The following GLRA2 variants were observed in gnomAD, a reference collection of about 807,000 sequenced individuals.
The protein encoded by GLRA2 is glycine receptor subunit alpha-2.
Under a neutral mutation model 31.6 loss-of-function variants are expected in GLRA2, and 11 were observed. The ratio of observed to expected loss-of-function variants is 0.35; its 90% confidence interval spans 0.22 to 0.58. The LOEUF is 0.58. Among genes scored for constraint, GLRA2 ranks in the 20% least tolerant of loss-of-function variants. The pLI is 0.84. For missense variants in GLRA2, 212 were observed against 351.8 expected, an observed-to-expected ratio of 0.60 and a Z score of 3.18; for synonymous variants, 132 against 134.0, an observed-to-expected ratio of 0.99 and a Z score of 0.10.
At chrX:14,539,850 A>C (rs1445018525) in intron 2 of GLRA2, among the ~76,000 whole-genome samples, 1 of 111,886 alleles carries the variant, frequency 8.9e-6, no homozygotes, top group East Asian at 2.8e-4. Context: ...ATGGTGGAAC[A>C]TATTTTCTTG....
At chrX:14,481,974 T>C in the GLRA2 span, among the ~76,000 whole-genome samples, 1 of 111,788 alleles carries the variant, frequency 8.9e-6, no homozygotes, top group Non-Finnish European at 1.9e-5. Context: ...TTGAATACAA[T>C]TAAAATGTTT....
intron 4 of GLRA2, among the ~76,000 whole-genome samples, chrX:14,584,387 C>T (rs765801927): frequency 2.7e-5 from 3 of 111,593 alleles, no homozygotes; most frequent in Non-Finnish European, 5.6e-5. Flanking sequence ...TGCCCCCTTT[C>T]GCTATATAAA....
At chrX:14,459,558 G>A in the GLRA2 span, among the ~76,000 whole-genome samples, 1 of 110,893 alleles carries the variant, frequency 9.0e-6, no homozygotes, top group Non-Finnish European at 1.9e-5. Context: ...TTGAGCAGTG[G>A]TTTGTAGTTC....
At chrX:14,636,331 G>A (rs1006455777) in intron 7 of GLRA2, among the ~76,000 whole-genome samples, 1 of 111,082 alleles carries the variant, frequency 9.0e-6, no homozygotes, top group African/African-American at 3.3e-5. Context: ...TGACAAATAC[G>A]ACCTTAGTCA....
intron 8 of GLRA2, among the ~76,000 whole-genome samples, chrX:14,707,523 T>C (rs2091641197): frequency 9.1e-6 from 1 of 109,793 alleles, no homozygotes; most frequent in Non-Finnish European, 1.9e-5. Context: ...TTCACCCTGG[T>C]AGTGAGCTTA....
At chrX:14,531,178 TGTGA>T (rs770357634) in intron 1 of GLRA2, 15 of 924,493 alleles carry the variant, frequency 1.6e-5, no homozygotes, top group Admixed American at 6.1e-5. Context: ...CATATGAGAA[TGTGA>T]GTATTTATGC....
At chrX:14,511,661 T>C in the GLRA2 span, among the ~76,000 whole-genome samples, 1 of 112,240 alleles carries the variant, frequency 8.9e-6, no homozygotes, top group African/African-American at 3.2e-5. Flanking sequence ...TTTCCTAAAT[T>C]AATGTGAAAG....
chrX:14,653,633 T>C (rs2090911542), intron 7 of GLRA2, among the ~76,000 whole-genome samples: 1 of 112,587 alleles, frequency 8.9e-6, no homozygotes, highest in African/African-American at 3.2e-5. Context: ...CTGTGAACAT[T>C]GTTGCAACAA....
intron 7 of GLRA2, among the ~76,000 whole-genome samples, chrX:14,632,041 T>C (rs2090655922): frequency 1.0e-5 from 1 of 96,414 alleles, no homozygotes; most frequent in South Asian, 5.4e-4. Flanking sequence ...ATCCATCTTT[T>C]CAATTCTGGG....
chrX:14,650,167 T>C (rs1460927248), intron 7 of GLRA2, among the ~76,000 whole-genome samples: 1 of 111,551 alleles, frequency 9.0e-6, no homozygotes, highest in Non-Finnish European at 1.9e-5. Context: ...TATTACAATA[T>C]ATAATAAATA....
chrX:14,459,193 C>T, the GLRA2 span, among the ~76,000 whole-genome samples: 6 of 111,229 alleles, frequency 5.4e-5, no homozygotes, highest in African/African-American at 2.0e-4. Flanking sequence ...AGATATGCAG[C>T]GCTATTTCTG....
chrX:14,706,003 C>T (rs1233493413), intron 8 of GLRA2, among the ~76,000 whole-genome samples: 1 of 85,422 alleles, frequency 1.2e-5, no homozygotes, highest in Admixed American at 1.2e-4. Flanking sequence ...CAGCATGGTT[C>T]TCAATCCTGG....
At chrX:14,686,846 G>T (rs1025246124) in intron 7 of GLRA2, among the ~76,000 whole-genome samples, 1 of 111,524 alleles carries the variant, frequency 9.0e-6, no homozygotes, top group African/African-American at 3.3e-5. Context: ...GTGTGAATTT[G>T]ATCCTGTCAT....
chrX:14,613,323 T>A (rs2090420432), intron 7 of GLRA2, among the ~76,000 whole-genome samples: 1 of 111,757 alleles, frequency 8.9e-6, no homozygotes. Context: ...TTTGGATGGC[T>A]CACTATTCAC....
chrX:14,662,887 T>C (rs1331121476), intron 7 of GLRA2, among the ~76,000 whole-genome samples: 1 of 107,455 alleles, frequency 9.3e-6, no homozygotes, highest in African/African-American at 3.8e-5. Flanking sequence ...TATTTTATTA[T>C]TTTTCTGTTG....
chrX:14,460,032 T>C, the GLRA2 span, among the ~76,000 whole-genome samples: 1 of 112,073 alleles, frequency 8.9e-6, no homozygotes, highest in African/African-American at 3.2e-5. Flanking sequence ...CTCTTATTAT[T>C]TTGAGATACA....
At chrX:14,705,445 C>T (rs764217599) in intron 8 of GLRA2, among the ~76,000 whole-genome samples, 1 of 111,911 alleles carries the variant, frequency 8.9e-6, no homozygotes, top group Admixed American at 9.4e-5. Flanking sequence ...AAACATCCTA[C>T]AGTGCACAGG....
At chrX:14,542,252 T>C (rs1354080977) in intron 2 of GLRA2, among the ~76,000 whole-genome samples, 1 of 112,047 alleles carries the variant, frequency 8.9e-6, no homozygotes, top group African/African-American at 3.2e-5. Flanking sequence ...CAACAGGTTA[T>C]AGAAGGCTAC....
chrX:14,617,600 T>C (rs2090468322), intron 7 of GLRA2, among the ~76,000 whole-genome samples: 1 of 111,462 alleles, frequency 9.0e-6, no homozygotes, highest in African/African-American at 3.3e-5. Context: ...CTGCTACTCT[T>C]GGGATGCTGT....
Sources: gnomAD v4.1 joint callset for allele counts (sites outside exome capture counted in the v4.1 genomes callset) on GRCh38, gnomAD v4.1.1 for gene constraint, MANE v1.5 for transcripts, NCBI Gene and HGNC (gene_info 2026-07-23, HGNC 2026-07-21) for gene names.